Variants in SLC38A1 observed in about 807,000 individuals in gnomAD.
SLC38A1 encodes solute carrier family 38 member 1.
In SLC38A1, 18 loss-of-function variants were observed where a neutral mutation model predicts 60.3. The observed-to-expected ratio is 0.30, with a 90% CI of 0.21 to 0.44. The LOEUF is 0.44. Among genes scored for constraint, SLC38A1 ranks in the 20% least tolerant of loss-of-function variants. SLC38A1 has a pLI of 1.00. For synonymous variants in SLC38A1, 196 were observed against 212.1 expected (o/e 0.92, Z 0.66); for missense variants, 448 against 587.2 (o/e 0.76, Z 2.45).
chr12:46,255,998 T>C (rs1942006716), intron 1 of SLC38A1, among the ~76,000 whole-genome samples: 1 of 151,854 alleles, frequency 6.6e-6, no homozygotes, highest in South Asian at 2.1e-4. Flanking sequence ...AAACCCTGTC[T>C]CTACTAAAAA....
chr12:46,268,747 T>G lies in SLC38A1; in HGVS notation c.-430A>C. On this transcript the variant is annotated 5_prime_UTR_variant, in exon 1 of 17. Transcript: ENST00000398637. The surrounding 1 kb of genome is among the most constrained non-coding windows in gnomAD (Gnocchi z 4.4). ...GGCTCCTGGCGACCTTCTGGCGGAG[T>G]GGCGTGGCCGCCCCAGTCCGCGCTC... 3.2e-6 allele frequency: 1 copy of G among 308,908 alleles called. No homozygotes were observed. Among genetic ancestry groups the G allele is most frequent in the South Asian group, 2.2e-5 (1 of 44,844 alleles). The allele number at this position is 308,908 out of a possible 1,614,324, so 19.1% of individuals were successfully genotyped here. A position where few individuals can be genotyped will look rare whatever the true frequency, so the allele number is the denominator to read the frequency against.
intron 5 of SLC38A1, among the ~76,000 whole-genome samples, chr12:46,225,518 C>T (rs191293615): frequency 2.2e-4 from 34 of 152,172 alleles, no homozygotes; most frequent in Non-Finnish European, 4.0e-4. Flanking sequence ...CTACTTGGTT[C>T]CCAGAAAGAT....
chr12:46,235,247 A>G (rs946999108), intron 3 of SLC38A1, among the ~76,000 whole-genome samples: 2 of 152,266 alleles, frequency 1.3e-5, no homozygotes, highest in Non-Finnish European at 2.9e-5. Context: ...GATGAGTTGT[A>G]CAACAGAAAG....
At chr12:46,244,381 T>G (rs924606629) in intron 1 of SLC38A1, among the ~76,000 whole-genome samples, 6 of 152,202 alleles carry the variant, frequency 3.9e-5, no homozygotes, top group African/African-American at 1.4e-4. Context: ...CAATATTTGT[T>G]CCCACCTCTT....
intron 3 of SLC38A1, among the ~76,000 whole-genome samples, chr12:46,230,033 A>G (rs1941012647): frequency 6.6e-6 from 1 of 152,200 alleles, no homozygotes; most frequent in Non-Finnish European, 1.5e-5. Flanking sequence ...TGCAACATAA[A>G]TTAATTTTTG....
Position 46,265,197 on chromosome 12 carries a change from A to G in SLC38A1, c.-209+3329T>C, listed in dbSNP as rs183795144. Among the ~76,000 whole-genome samples the G allele has an allele frequency of 3.1e-3, 476 of 152,338 alleles. 1 individual carries two copies. Among genetic ancestry groups the G allele is most frequent in the Non-Finnish European group, 5.3e-3 (362 of 68,022 alleles). On this transcript the variant is annotated intron_variant, in intron 1 of 16. Transcript: ENST00000398637. ...ACCACCAGCATCATCATTCCCATTT[A>G]GCAAAAGAAAAAACTGAGGCTTAGA...
At chr12:46,244,436 C>G (rs1403595748) in intron 1 of SLC38A1, among the ~76,000 whole-genome samples, 1 of 152,220 alleles carries the variant, frequency 6.6e-6, no homozygotes, top group African/African-American at 2.4e-5. Flanking sequence ...AACTACATTT[C>G]CCACACTCCC....
intron 1 of SLC38A1, among the ~76,000 whole-genome samples, chr12:46,257,525 C>T (rs1393774045): frequency 6.6e-6 from 1 of 152,082 alleles, no homozygotes; most frequent in East Asian, 1.9e-4. Flanking sequence ...TACCCCAAGT[C>T]GGCTGATCAA....
intron 6 of SLC38A1, 67 bp downstream of exon 6, chr12:46,208,987 T>C: frequency 1.8e-6 from 2 of 1,116,390 alleles, no homozygotes; most frequent in Non-Finnish European, 2.7e-6. Context: ...AACATCATTG[T>C]TCCACAATGC....
At chr12:46,206,459 A>T (rs988244978) in intron 8 of SLC38A1, among the ~76,000 whole-genome samples, 7 of 151,966 alleles carry the variant, frequency 4.6e-5, no homozygotes, top group African/African-American at 1.7e-4. Context: ...CACACATTTC[A>T]TTCTGTCAGA....
chr12:46,212,830 C>A (rs1032775253), intron 5 of SLC38A1, among the ~76,000 whole-genome samples: 10 of 152,220 alleles, frequency 6.6e-5, no homozygotes, highest in Middle Eastern at 3.4e-3. Flanking sequence ...ATTATGCAAC[C>A]CATTCTGTTT....
intron 3 of SLC38A1, among the ~76,000 whole-genome samples, chr12:46,238,859 TATG>T (rs1248689622): frequency 1.3e-5 from 2 of 152,198 alleles, no homozygotes; most frequent in Admixed American, 1.3e-4. Flanking sequence ...TTTTATGTAC[TATG>T]TCTCTATTAT....
intron 3 of SLC38A1, among the ~76,000 whole-genome samples, chr12:46,235,098 A>G (rs1293941911): frequency 1.3e-5 from 2 of 152,242 alleles, no homozygotes; most frequent in African/African-American, 2.4e-5. Flanking sequence ...GTGACCCTGA[A>G]CAGACAAAGC....
At chr12:46,208,478 T>C (rs1320434008) in intron 6 of SLC38A1, among the ~76,000 whole-genome samples, 3 of 152,222 alleles carry the variant, frequency 2.0e-5, no homozygotes, top group African/African-American at 4.8e-5. Flanking sequence ...TGGAGTCATG[T>C]ATATACAATA....
chr12:46,221,685 G>T (rs1940664337), intron 5 of SLC38A1, among the ~76,000 whole-genome samples: 2 of 152,196 alleles, frequency 1.3e-5, no homozygotes, highest in South Asian at 2.1e-4. Flanking sequence ...TCTAGATCGT[G>T]TTAGCGGGAG....
intron 1 of SLC38A1, among the ~76,000 whole-genome samples, chr12:46,253,008 A>AT (rs898291657): frequency 2.0e-4 from 30 of 151,874 alleles, no homozygotes; most frequent in African/African-American, 7.0e-4. Flanking sequence ...AAAAAAAAAA[A>AT]AAAAAGTCTG....
In SLC38A1 at chr12:46,189,066, G is replaced by A. The variant is rs1276438953; in HGVS notation, c.1368C>T (p.Ala456=). The A allele has an allele frequency of 1.9e-6, 3 of 1,613,428 alleles. No homozygotes were observed. The highest frequency in any genetic ancestry group is 2.5e-6 in the Non-Finnish European group (3 of 1,179,704). Residue 456 remains alanine, a synonymous_variant, in exon 17 of 17, where the codon GCC becomes GCT. Transcript: ENST00000398637. ...GDKGTQRIWA[A]LFLGLGVLFS... ...ACAACACCCCCAGGCCCAAGAAAAG[G>A]GCAGCCTGGAGCAAGAGAAAGGCAA... is the stretch of plus-strand genomic sequence containing the variant.
At chr12:46,222,125 C>T (rs1940683052) in intron 5 of SLC38A1, among the ~76,000 whole-genome samples, 1 of 151,904 alleles carries the variant, frequency 6.6e-6, no homozygotes, top group Admixed American at 6.6e-5. Context: ...GCTTCATGGT[C>T]TAACTATCTA....
chr12:46,252,146 T>C (rs1941866421), intron 1 of SLC38A1, among the ~76,000 whole-genome samples: 1 of 152,144 alleles, frequency 6.6e-6, no homozygotes, highest in Admixed American at 6.5e-5. Flanking sequence ...CACCATGGAA[T>C]ACTATGCAGC....
Sources: allele counts gnomAD v4.1 joint callset (sites outside exome capture counted in the v4.1 genomes callset), GRCh38; gene constraint gnomAD v4.1.1; non-coding constraint Gnocchi (gnomAD v3.1); transcripts MANE v1.5; gene names NCBI Gene and HGNC (gene_info 2026-07-23, HGNC 2026-07-21).